Variants in TENM2 observed in about 807,000 individuals in gnomAD.
TENM2 encodes teneurin-2.
In TENM2, 52 loss-of-function variants were observed where a neutral mutation model predicts 245.2. That is an observed-to-expected ratio of 0.21 (90% CI 0.17 to 0.27). The LOEUF (loss-of-function observed/expected upper bound fraction) is 0.27. Ranked by LOEUF, TENM2 falls within the 10% of genes least tolerant of loss-of-function variation. The pLI, the probability that TENM2 is intolerant of heterozygous loss-of-function variation, is 1.00. For synonymous variants in TENM2, 1,363 were observed against 1,438.9 expected (o/e 0.95, Z 1.19); for missense variants, 3,046 against 3,666.8 (o/e 0.83, Z 4.37).
chr5:168,203,631 A>G, intron 17 of TENM2, 58 bp from the exon 20 acceptor site: 1 of 1,499,484 alleles, frequency 6.7e-7, no homozygotes, highest in South Asian at 1.3e-5. Flanking sequence ...AGAGCTCTGG[A>G]GTAATCAAGT....
chr5:167,473,389 A>C (rs1767160761), intron 2 of TENM2, among the ~76,000 whole-genome samples: 1 of 152,224 alleles, frequency 6.6e-6, no homozygotes, highest in Admixed American at 6.5e-5. Context: ...CACTTTCAGC[A>C]TCATATAACT....
In TENM2 at chr5:167,988,940, G is replaced by A. The variant is rs533935470; in HGVS notation, c.948-4004G>A. Reference sequence around the variant, plus strand: ...ATATCCATTTTTCGTATAAATGAGTGTATTAAAAATAACATTAAAGCCAAT... The same window carrying A: ...ATATCCATTTTTCGTATAAATGAGTATATTAAAAATAACATTAAAGCCAAT... On this transcript the variant is annotated intron_variant, in intron 4 of 28. Transcript: ENST00000518659. Among the ~76,000 whole-genome samples the A allele has an allele frequency of 9.2e-5, 14 of 152,286 alleles. No individual in the cohort carries two copies. The South Asian group carries it at 2.5e-3, about 27-fold the overall frequency.
At chr5:167,355,907 G>C (rs1192675944) in intron 1 of TENM2, among the ~76,000 whole-genome samples, 1 of 149,532 alleles carries the variant, frequency 6.7e-6, no homozygotes, top group Admixed American at 6.7e-5. Flanking sequence ...AGATGGCTGG[G>C]TGCCGTGGCT....
the TENM2 span, among the ~76,000 whole-genome samples, chr5:167,198,400 G>T: frequency 5.9e-5 from 9 of 152,192 alleles, no homozygotes; most frequent in African/African-American, 2.2e-4. Context: ...GCCTTGAGCA[G>T]CCAGCTTACA....
the TENM2 span, among the ~76,000 whole-genome samples, chr5:167,229,913 G>A: frequency 1.3e-5 from 2 of 152,196 alleles, no homozygotes; most frequent in Non-Finnish European, 2.9e-5. Flanking sequence ...CTAGGACATT[G>A]GGTTCACTTT....
chr5:167,117,192 T>G, the TENM2 span, among the ~76,000 whole-genome samples: 1 of 152,206 alleles, frequency 6.6e-6, no homozygotes, highest in Non-Finnish European at 1.5e-5. Context: ...TGCTGTGACC[T>G]TTCCTCATAG....
the TENM2 span, among the ~76,000 whole-genome samples, chr5:167,086,929 G>GCACACA: frequency 8.2e-3 from 747 of 90,930 alleles, 6 homozygotes; most frequent in Non-Finnish European, 9.6e-3. Flanking sequence ...ACACACACAC[G>GCACACA]CACACACACA....
chr5:167,321,781 G>GTTTTTTTT (rs1554133753), intron 1 of TENM2, among the ~76,000 whole-genome samples: 3 of 38,722 alleles, frequency 7.7e-5, no homozygotes, highest in Non-Finnish European at 1.5e-4. Flanking sequence ...TGCTGCCTTG[G>GTTTTTTTT]CTTATTTTTT....
chr5:168,036,688 TA>T (rs1254747523), intron 5 of TENM2, among the ~76,000 whole-genome samples: 1 of 119,480 alleles, frequency 8.4e-6, no homozygotes, highest in African/African-American at 3.9e-5. Flanking sequence ...TATATATATA[TA>T]TATATATATA....
In TENM2 at chr5:167,830,791, T is replaced by A. The variant is rs551280927; in HGVS notation, c.503-45195T>A. On this transcript the variant is annotated intron_variant, in intron 2 of 28. Coordinates refer to ENST00000518659, the Ensembl canonical transcript of TENM2. ...GAGGGCTTATTAAAACACACATTGA[T>A]GGGCCCCAACCTCAGTTTCTCACTC... Among the ~76,000 whole-genome samples, 34 of 152,310 alleles carry A rather than the reference T, an allele frequency of 2.2e-4. 1 individual carries two copies. In the South Asian group the frequency reaches 3.7e-3, roughly 17 times the overall value.
chr5:167,515,631 A>ATATATACG (rs1554168362), intron 2 of TENM2, among the ~76,000 whole-genome samples: 1 of 62,788 alleles, frequency 1.6e-5, no homozygotes, highest in Non-Finnish European at 4.8e-5. Flanking sequence ...ATATATATAC[A>ATATATACG]TATATATGTA....
chr5:167,101,310 A>C, the TENM2 span, among the ~76,000 whole-genome samples: 4 of 152,370 alleles, frequency 2.6e-5, no homozygotes, highest in Non-Finnish European at 2.9e-5. Flanking sequence ...TATGAAACTC[A>C]AACGAAATCT....
chr5:168,224,415 A>C (rs1048934828), intron 23 of TENM2, among the ~76,000 whole-genome samples: 1 of 152,156 alleles, frequency 6.6e-6, no homozygotes. Context: ...CAGCTTTCAA[A>C]CTTCTGCAGA....
In TENM2 at chr5:167,919,758, G is replaced by A. The variant is rs545832729; in HGVS notation, c.713-32830G>A. ...ATAGCAAGTGGTGAAGAATTTATGAGAAGCAAACTGAAAATGTATGAGTGC... is the reference window on the plus strand; with the variant it reads ...ATAGCAAGTGGTGAAGAATTTATGAAAAGCAAACTGAAAATGTATGAGTGC... On this transcript the variant is annotated intron_variant, in intron 3 of 28. Transcript: ENST00000518659. Among the ~76,000 whole-genome samples, 16 of 152,204 alleles carry A rather than the reference G, an allele frequency of 1.1e-4. 1 individual carries two copies. Among genetic ancestry groups the A allele is most frequent in the Non-Finnish European group, 2.2e-4 (15 of 68,034 alleles).
intron 1 of TENM2, among the ~76,000 whole-genome samples, chr5:167,293,524 A>C (rs1271202362): frequency 1.3e-5 from 2 of 151,662 alleles, no homozygotes; most frequent in Non-Finnish European, 2.9e-5. Flanking sequence ...CTGGCCCCTG[A>C]TTGTTGGCTT....
At chr5:167,908,246 CA>C (rs1776255727) in intron 3 of TENM2, among the ~76,000 whole-genome samples, 1 of 152,064 alleles carries the variant, frequency 6.6e-6, no homozygotes, top group South Asian at 2.1e-4. Context: ...AGGACCTCAG[CA>C]GGCTGTAAAT....
the TENM2 span, among the ~76,000 whole-genome samples, chr5:167,178,667 C>T: frequency 5.9e-5 from 9 of 151,262 alleles, no homozygotes; most frequent in Admixed American, 1.3e-4. Context: ...CTAACTTGAA[C>T]GTGAACTTAA....
chr5:167,976,198 C>T (rs1782433130), intron 4 of TENM2, among the ~76,000 whole-genome samples: 1 of 152,040 alleles, frequency 6.6e-6, no homozygotes, highest in Non-Finnish European at 1.5e-5. Flanking sequence ...ATGAAAATAA[C>T]CATTATGGGT....
At chr5:167,784,465 C>G (rs1764428553) in intron 2 of TENM2, among the ~76,000 whole-genome samples, 1 of 152,164 alleles carries the variant, frequency 6.6e-6, no homozygotes. Context: ...GAAATCATCC[C>G]CCTTTCATTT....
Sources: allele counts gnomAD v4.1 joint callset (sites outside exome capture counted in the v4.1 genomes callset), GRCh38; gene constraint gnomAD v4.1.1; transcripts MANE v1.5; gene names NCBI Gene and HGNC (gene_info 2026-07-23, HGNC 2026-07-21).